MAMDC4: variants seen among roughly 807,000 people sequenced by gnomAD.
The protein encoded by MAMDC4 is MAM domain containing 4.
A neutral mutation model predicts 153.3 loss-of-function variants in MAMDC4; 168 were observed. The ratio of observed to expected loss-of-function variants is 1.10; its 90% CI spans 0.97 to 1.25. The LOEUF (loss-of-function observed/expected upper bound fraction) is 1.25. Ranked by LOEUF, MAMDC4 falls within the 50% of genes most tolerant of loss-of-function variation. The pLI is 0.00. For missense variants in MAMDC4, 1,701 were observed against 1,542.8 expected (o/e 1.10, Z -1.72); for synonymous variants, 744 against 651.5 (o/e 1.14, Z -2.16).
Position 136,855,553 on chromosome 9 carries a change from G to T in MAMDC4, c.1405G>T (p.Val469Leu). ...GCATCTTGCCTGCGGGGACCTGTGT[G>T]TGCCCCCGGAACAACTGTGTGACTT... ...QGHLACGDLC[V>L]PPEQLCDFEE... The change falls in exon 12 of 27, where the codon GTG (valine) becomes TTG (leucine). Residue 469 changes from valine to leucine, a missense_variant. Physicochemically the swap from Val to Leu is conservative, Grantham distance 32 (BLOSUM62 1). Coordinates refer to ENST00000317446, the MANE Select transcript of MAMDC4 (RefSeq NM_206920.3). 6.3e-7 allele frequency: 1 copy of T among 1,591,624 alleles called. No individual in the cohort carries two copies. The highest frequency in any genetic ancestry group is 8.6e-7 in the Non-Finnish European group (1 of 1,169,390).
rs201873404 is a variant in MAMDC4 at position 136,855,467 on chromosome 9, G to A, written c.1319G>A (p.Arg440Gln). 216 of 1,607,622 alleles carry A rather than the reference G, an allele frequency of 1.3e-4. 1 individual carries two copies. In the East Asian group the frequency reaches 3.4e-3, roughly 25 times the overall value. ...CTGCAGCCGCTGCCTCCTGGGCCCC[G>A]GGCCCCAGCCCCCCAGCCCCTGCCG... The part of the protein sequence containing the change: ...STLQPLPPGP[R>Q]APAPQPLPPS... Residue 440 changes from arginine to glutamine, a missense_variant, in exon 12 of 27, where the codon CGG (arginine) becomes CAG (glutamine). Physicochemically the swap from Arg to Gln is conservative, Grantham distance 43 (BLOSUM62 1). Transcript: ENST00000317446.
At chr9:136,854,895 G>A (rs1848980715) in intron 9 of MAMDC4, 42 bp from the exon 10 acceptor site, 1 of 1,612,542 alleles carries the variant, frequency 6.2e-7, no homozygotes, top group African/African-American at 1.3e-5. Flanking sequence ...CTCCGTGCTG[G>A]CTGCCCCGGT....
At position 136,854,211 on chromosome 9, in the gene MAMDC4, C is replaced by T; in HGVS notation, c.671C>T (p.Thr224Ile). 6.2e-7 allele frequency: 1 copy of T among 1,611,702 alleles called. No individual in the cohort carries two copies. Residue 224 changes from threonine to isoleucine, a missense_variant and splice_region_variant, in exon 7 of 27, where the codon ACC becomes ATC. By Grantham distance (89) the Thr-to-Ile change is moderately conservative. Transcript: ENST00000317446. ...DLEFWDCGLP[T>I]PQANCPPGHH... The stretch of plus-strand genomic sequence containing the variant: ...GAAGGGTTAACCCTGCCCCACCCAG[C>T]CCCCCAGGCCAACTGTCCCCCGGGA...
intron 25 of MAMDC4, chr9:136,859,651 TTGG>T (rs954197152): frequency 1.7e-6 from 1 of 601,976 alleles, no homozygotes. Context: ...CTGCTCTCAC[TTGG>T]TGAGGGAAAG....
Position 136,857,668 on chromosome 9 carries a change from T to C in MAMDC4, c.2336T>C (p.Met779Thr), listed in dbSNP as rs750423849. ...HTTETAQGHYMVVDTSPDALP... is the reference protein window; with the variant it reads ...HTTETAQGHYTVVDTSPDALP... Reference sequence around the variant, plus strand: ...ATGCTGGCACCTCCAGGGCACTACATGGTGGTGGACACAAGCCCAGACGCA... The same window carrying C: ...ATGCTGGCACCTCCAGGGCACTACACGGTGGTGGACACAAGCCCAGACGCA... The change falls in exon 19 of 27, where the codon ATG becomes ACG. Residue 779 changes from methionine (M) to threonine (T), a missense_variant. Transcript: ENST00000317446. 40 of 1,612,548 alleles carry C rather than the reference T, an allele frequency of 2.5e-5. No homozygotes were observed. Among genetic ancestry groups the C allele is most frequent in the Non-Finnish European group, 3.0e-5 (35 of 1,179,840 alleles).
rs564631024 is a variant in MAMDC4, at chr9:136,855,801, G to A, written c.1541G>A (p.Arg514Gln). ...GCCAGCGTGGGGCGGCTGCAGTGGC[G>A]GCGTGTCTCAGCCCAGGAGAGCCAG... Reference protein sequence around the residue: ...EDASVGRLQWRRVSAQESQGS... With the variant: ...EDASVGRLQWQRVSAQESQGS... The change falls in exon 13 of 27, where the codon CGG becomes CAG. Residue 514 changes from arginine to glutamine, a missense_variant. Transcript: ENST00000317446. 23 of 1,545,392 alleles carry A rather than the reference G, an allele frequency of 1.5e-5. No individual in the cohort carries two copies. Among genetic ancestry groups the A allele is most frequent in the East Asian group, 7.2e-5 (3 of 41,778 alleles).
At chr9:136,852,538 C>CT (rs960999768) in intron 1 of MAMDC4, 76 bp downstream of exon 1, 1 of 1,548,400 alleles carries the variant, frequency 6.5e-7, no homozygotes, top group Non-Finnish European at 8.8e-7. Context: ...GTGGCAGTGA[C>CT]GGACACCAGG....
Position 136,856,134 on chromosome 9 carries a change from C to G in MAMDC4, c.1705C>G (p.Gln569Glu). 1 of 1,612,300 alleles carries G rather than the reference C, an allele frequency of 6.2e-7. No homozygotes were observed. The highest frequency in any genetic ancestry group is 8.5e-7 in the Non-Finnish European group (1 of 1,179,774). Residue 569 changes from glutamine to glutamate, a missense_variant, in exon 14 of 27, where the codon CAG becomes GAG. Transcript: ENST00000317446. ...TGAACTCCACCTGGCTTATTATTTA[C>G]AGAGCCAGCCCCGAGGTACCGCCAC... The part of the protein sequence containing the change: ...SCELHLAYYL[Q>E]SQPREVSCNF...
Position 136,856,987 on chromosome 9 carries a change from G to A in MAMDC4, c.1918G>A (p.Ala640Thr), listed in dbSNP as rs775947968. The change falls in exon 16 of 27, where the codon GCA (alanine) becomes ACA (threonine). Residue 640 changes from alanine to threonine, a missense_variant. Ala to Thr is a moderately conservative substitution (Grantham distance 58). Transcript: ENST00000317446. ...CCTGCTCTCCAGGCCCCAGGTGCCAGCAGCACCCACGGAGTGTCTCAGCTT... is the reference window on the plus strand; with the variant it reads ...CCTGCTCTCCAGGCCCCAGGTGCCAACAGCACCCACGGAGTGTCTCAGCTT... ...AHLLSRPQVPAAPTECLSFWY... is the reference protein window; with the variant it reads ...AHLLSRPQVPTAPTECLSFWY... The A allele has an allele frequency of 9.3e-6, 15 of 1,612,534 alleles. No homozygotes were observed. The highest frequency in any genetic ancestry group is 1.3e-5 in the Non-Finnish European group (15 of 1,179,820).
chr9:136,854,888 C>T (rs371603939), intron 9 of MAMDC4, 38 bp downstream of exon 9: 94 of 1,612,472 alleles, frequency 5.8e-5, no homozygotes, highest in African/African-American at 8.0e-5. Context: ...CCCTGCTCTC[C>T]GTGCTGGCTG....
intron 7 of MAMDC4, 44 bp from the exon 8 acceptor site, chr9:136,854,495 G>A (rs1323873318): frequency 3.8e-6 from 6 of 1,573,724 alleles, no homozygotes; most frequent in East Asian, 2.4e-5. Flanking sequence ...ACGGCTTCAG[G>A]AAGCACTGCC....
At chr9:136,860,090 C>T (rs1382714766) in intron 26 of MAMDC4, 26 bp downstream of exon 26, 2 of 1,526,870 alleles carry the variant, frequency 1.3e-6, no homozygotes, top group Non-Finnish European at 1.8e-6. Context: ...GATGGGTGGG[C>T]AGGAGCCTCT....
In MAMDC4 at chr9:136,857,972, C is replaced by G. The variant is rs770670902; in HGVS notation, c.2465-7C>G. The G allele has an allele frequency of 5.1e-5, 76 of 1,500,782 alleles. 1 individual carries two copies. Among genetic ancestry groups the G allele is most frequent in the South Asian group, 3.7e-4 (30 of 80,638 alleles). The allele number at this position is 1,500,782 out of a possible 1,614,324, so 93.0% of individuals were successfully genotyped here. On this transcript the variant is annotated splice_polypyrimidine_tract_variant and splice_region_variant and intron_variant, in intron 19 of 26. Transcript: ENST00000317446. ...ACACTGCTGACCTGGGCCGCCCCTGCTGGCAGGCACCCTGCGGGTCTACCT... is the reference window on the plus strand; with the variant it reads ...ACACTGCTGACCTGGGCCGCCCCTGGTGGCAGGCACCCTGCGGGTCTACCT...
Position 136,854,580 on chromosome 9 carries a change from T to A in MAMDC4, c.838T>A (p.Trp280Arg). ...ATDFETGLGP[W>R]NRSEGWSRNH... ...CGACTTTGAGACAGGCCTGGGCCCA[T>A]GGAACCGCTCGGAAGGCTGGTCCCG... is the stretch of plus-strand genomic sequence containing the variant. Residue 280 changes from tryptophan to arginine, a missense_variant, in exon 8 of 27, where the codon TGG (tryptophan) becomes AGG (arginine). Transcript: ENST00000317446. The A allele has an allele frequency of 6.2e-7, 1 of 1,607,754 alleles. No homozygotes were observed. Among genetic ancestry groups the A allele is most frequent in the Non-Finnish European group, 8.5e-7 (1 of 1,178,018 alleles).
chr9:136,853,404 G>C lies in MAMDC4; in HGVS notation c.274G>C (p.Ala92Pro). 2.5e-6 allele frequency: 4 copies of C among 1,604,982 alleles called. No homozygotes were observed. Among genetic ancestry groups the C allele is most frequent in the Non-Finnish European group, 3.4e-6 (4 of 1,174,130 alleles). ...GYSWLRDRAG[A>P]ALEGPGPHSD... The stretch of plus-strand genomic sequence containing the variant: ...CAGCTGGCTCCGAGACAGGGCAGGG[G>C]CCGCACTGGAGGGTCCTGGGCCTCA... Residue 92 changes from alanine (A) to proline (P), a missense_variant, in exon 3 of 27, where the codon GCC (alanine) becomes CCC (proline). Coordinates refer to ENST00000317446, the MANE Select transcript of MAMDC4 (RefSeq NM_206920.3).
chr9:136,853,924 TG>T lies in MAMDC4; in HGVS notation c.585+19del. ...GACTTCCGAGTGAGCTGGGAGGGTCTGGACGAGTGGGGGCCTTGAGGAGGGG... is the reference window on the plus strand; with the variant it reads ...GACTTCCGAGTGAGCTGGGAGGGTCTGACGAGTGGGGGCCTTGAGGAGGGG... On this transcript the variant is annotated intron_variant, in intron 5 of 26. Transcript: ENST00000317446. 1 of 1,612,686 alleles carries T rather than the reference TG, an allele frequency of 6.2e-7. No individual in the cohort carries two copies. The highest frequency in any genetic ancestry group is 8.5e-7 in the Non-Finnish European group (1 of 1,179,836).
At position 136,857,364 on chromosome 9, in the gene MAMDC4, C is replaced by T. The variant is rs371906246; in HGVS notation, c.2107-3C>T. ...CTGGCCAGCTGACACCCTCCACCCC[C>T]AGCTGCTGTTCGAGGGCCTCCGGGA... On this transcript the variant is annotated splice_polypyrimidine_tract_variant and splice_region_variant and intron_variant, in intron 17 of 26. Coordinates refer to ENST00000317446, the MANE Select transcript of MAMDC4 (RefSeq NM_206920.3). 3.1e-6 allele frequency: 5 copies of T among 1,608,604 alleles called. No homozygotes were observed. The Admixed American group carries it at 8.3e-5, about 27-fold the overall frequency.
intron 17 of MAMDC4, 23 bp downstream of exon 17, chr9:136,857,321 G>GAGGAC: frequency 1.2e-6 from 2 of 1,607,142 alleles, no homozygotes; most frequent in Non-Finnish European, 1.7e-6. Flanking sequence ...ACCCGGGTGG[G>GAGGAC]AGGACAGGGC....
chr9:136,858,672 G>T, intron 22 of MAMDC4, 47 bp from the exon 23 acceptor site: 1 of 1,609,136 alleles, frequency 6.2e-7, no homozygotes, highest in Non-Finnish European at 8.5e-7. Context: ...GGGCCCTGAG[G>T]GCTGGCTCTG....
Sources: allele counts gnomAD v4.1 joint callset, GRCh38; gene constraint gnomAD v4.1.1; transcripts MANE v1.5; gene names NCBI Gene and HGNC (gene_info 2026-07-23, HGNC 2026-07-21).